The following ZNF236 variants were observed in gnomAD, a reference collection of about 807,000 sequenced individuals.
ZNF236 encodes regulated by glucose.
A neutral mutation model predicts 191.2 loss-of-function variants in ZNF236; 50 were observed. The ratio of observed to expected loss-of-function variants is 0.26; its 90% CI spans 0.21 to 0.33. The LOEUF (loss-of-function observed/expected upper bound fraction) is 0.33. ZNF236 is among the 10% of genes least tolerant of loss of function. The probability of loss-of-function intolerance (pLI) is 1.00; values close to 1 mark genes in which losing one functional copy is unlikely to be tolerated. For synonymous variants in ZNF236, 907 were observed against 928.8 expected (o/e 0.98, Z 0.43); for missense variants, 1,754 against 2,374.5 (o/e 0.74, Z 5.43).
In ZNF236 at chr18:76,959,751, G is replaced by A; in HGVS notation, c.5177G>A (p.Cys1726Tyr). 1 of 1,614,106 alleles carries A rather than the reference G, an allele frequency of 6.2e-7. No homozygotes were observed. The highest frequency in any genetic ancestry group is 8.5e-7 in the Non-Finnish European group (1 of 1,180,004). The change falls in exon 29 of 31, where the codon TGT (cysteine) becomes TAT (tyrosine). Residue 1726 changes from cysteine (C) to tyrosine (Y), a missense_variant. By Grantham distance (194) the Cys-to-Tyr change is radical. This residue lies in a region of ZNF236 where 606 missense variants were observed against 761.5 expected (regional missense o/e 0.80). Coordinates refer to ENST00000320610, the MANE Select transcript of ZNF236 (RefSeq NM_001306089.2). ...LSSQKPRVFK[C>Y]DTCEKAFAKP... ...TCCCAGAAGCCAAGAGTGTTTAAAT[G>A]TGACACTTGTGAGAAGGCATTTGCC...
rs530116600 is a variant in ZNF236, at chr18:76,824,110, C to T, written c.55+1448C>T. The T allele has an allele frequency of 2.3e-5, 13 of 567,058 alleles. No individual in the cohort carries two copies. In the East Asian group the frequency reaches 3.2e-4, roughly 14 times the overall value. The allele number at this position is 567,058 out of a possible 1,614,324, so 35.1% of individuals were successfully genotyped here. A position where few individuals can be genotyped will look rare whatever the true frequency, so the allele number is the denominator to read the frequency against. ...TCTTGGGGATGAGTAAACTGAGGCT[C>T]ATTAAAGAGCTTGTGACCAAACAAC... On this transcript the variant is annotated intron_variant, in intron 1 of 30. Coordinates refer to ENST00000320610, the MANE Select transcript of ZNF236 (RefSeq NM_001306089.2).
intron 1 of ZNF236, among the ~76,000 whole-genome samples, chr18:76,829,847 G>A (rs1229161866): frequency 6.6e-6 from 1 of 152,052 alleles, no homozygotes; most frequent in South Asian, 2.1e-4. Context: ...CTTCTGATAC[G>A]ACATGTTAGC....
intron 17 of ZNF236, among the ~76,000 whole-genome samples, chr18:76,913,142 T>C (rs578240632): frequency 6.6e-6 from 1 of 152,234 alleles, no homozygotes; most frequent in Non-Finnish European, 1.5e-5. Flanking sequence ...ACTAATGGAA[T>C]AAGCTTTTAA....
In ZNF236 at chr18:76,899,166, C is replaced by T. The variant is rs772989991; in HGVS notation, c.1838C>T (p.Thr613Met). 8.1e-6 allele frequency: 13 copies of T among 1,614,022 alleles called. No homozygotes were observed. The highest frequency in any genetic ancestry group is 6.7e-5 in the East Asian group (3 of 44,896). The change falls in exon 11 of 31, where the codon ACG becomes ATG. Residue 613 changes from threonine (T) to methionine (M), a missense_variant. By Grantham distance (81) the Thr-to-Met change is moderately conservative. Around this residue, in one of 5 missense-constraint regions of ZNF236, gnomAD observed 641 missense variants for 869.6 expected, o/e 0.74. Coordinates refer to ENST00000320610, the MANE Select transcript of ZNF236 (RefSeq NM_001306089.2). ...CCTGCAAAGGTCCGTGTTGGCAAGACGAATATTCCAGTCCCTGATATTCCT... is the reference window on the plus strand; with the variant it reads ...CCTGCAAAGGTCCGTGTTGGCAAGATGAATATTCCAGTCCCTGATATTCCT... ...RKPAKVRVGK[T>M]NIPVPDIPLQ...
Position 76,972,404 on chromosome 18 carries a change from A to G in ZNF236, c.*4065A>G, listed in dbSNP as rs972399847. On this transcript the variant is annotated 3_prime_UTR_variant, in exon 31 of 31. Transcript: ENST00000320610. ...CCCCTCCTCAGACCCCCATGCACGG[A>G]TGAGCACATAGCTCACCCTCACCCT... 2.6e-5 allele frequency among the ~76,000 whole-genome samples: 4 copies of G among 152,042 alleles called. No individual in the cohort carries two copies. Among genetic ancestry groups the G allele is most frequent in the Non-Finnish European group, 5.9e-5 (4 of 67,998 alleles).
chr18:76,899,664 C>T (rs1977533070), intron 11 of ZNF236, among the ~76,000 whole-genome samples: 1 of 152,054 alleles, frequency 6.6e-6, no homozygotes, highest in East Asian at 1.9e-4. Context: ...AATCTGCCTG[C>T]TTTTCTTTTT....
chr18:76,927,302 C>T lies in ZNF236; in HGVS notation c.4199C>T (p.Thr1400Met), dbSNP rs762117477. ...LQIDPSILQQ[T>M]LQQGNLLAQQ... ...ATTGATCCAAGCATTCTGCAGCAGA[C>T]GCTACAGCAGGGCAACCTATTGGCT... The change falls in exon 24 of 31, where the codon ACG becomes ATG. Residue 1400 changes from threonine to methionine, a missense_variant. Physicochemically the swap from Thr to Met is moderately conservative, Grantham distance 81. Transcript: ENST00000320610. This position sits in a 1 kb window ranked among gnomAD's most constrained non-coding sequence, Gnocchi z 5.4. The T allele has an allele frequency of 2.8e-5, 45 of 1,614,018 alleles. No individual in the cohort carries two copies. Among genetic ancestry groups the T allele is most frequent in the Middle Eastern group, 1.6e-4 (1 of 6,084 alleles).
chr18:76,869,436 TAAC>T (rs1303639938), intron 4 of ZNF236, among the ~76,000 whole-genome samples: 1 of 152,240 alleles, frequency 6.6e-6, no homozygotes, highest in East Asian at 1.9e-4. Flanking sequence ...CTCATAATCT[TAAC>T]AACTGACTAT....
chr18:76,833,190 C>A (rs549325709), intron 1 of ZNF236, among the ~76,000 whole-genome samples: 2 of 152,050 alleles, frequency 1.3e-5, no homozygotes, highest in African/African-American at 4.8e-5. Flanking sequence ...TTATCACTTT[C>A]GTTACTGTTT....
chr18:76,960,654 T>C lies in ZNF236; in HGVS notation c.5243-25T>C, dbSNP rs572581654. 1.2e-6 allele frequency: 2 copies of C among 1,614,084 alleles called. No individual in the cohort carries two copies. The highest frequency in any genetic ancestry group is 1.7e-5 in the Admixed American group (1 of 60,028). Reference sequence around the variant, plus strand: ...ATCCACTATACTTTTCTTAGAGACATTGACATATGCCATTTTCTGTACAGG... The same window carrying C: ...ATCCACTATACTTTTCTTAGAGACACTGACATATGCCATTTTCTGTACAGG... On this transcript the variant is annotated intron_variant, in intron 29 of 30. Transcript: ENST00000320610. This position sits in a 1 kb window ranked among gnomAD's most constrained non-coding sequence, Gnocchi z 4.4.
At chr18:76,836,744 A>G (rs761524627) in intron 1 of ZNF236, among the ~76,000 whole-genome samples, 29 of 151,236 alleles carry the variant, frequency 1.9e-4, no homozygotes, top group Admixed American at 6.6e-5. Flanking sequence ...CGCCTGGCTA[A>G]TTTTTTGTAT....
In ZNF236 at chr18:76,879,498, A is replaced by G. The variant is rs76864771; in HGVS notation, c.985-615A>G. On this transcript the variant is annotated intron_variant, in intron 7 of 30. Transcript: ENST00000320610. Reference sequence around the variant, plus strand: ...GTTTACTCTCAGAGTTGTCCATTCAACGGGTTTTGACAAAGGTAGAGTGTC... The same window carrying G: ...GTTTACTCTCAGAGTTGTCCATTCAGCGGGTTTTGACAAAGGTAGAGTGTC... 4.3e-4 allele frequency among the ~76,000 whole-genome samples: 66 copies of G among 152,262 alleles called. 1 individual carries two copies. In the East Asian group the frequency reaches 0.011, roughly 26 times the overall value.
chr18:76,834,585 A>G (rs571973891), intron 1 of ZNF236: 45 of 471,542 alleles, frequency 9.5e-5, no homozygotes, highest in African/African-American at 5.9e-4. Context: ...CTGTGTGCAC[A>G]GTTGGGGTGA....
rs1456218002 is a variant in ZNF236 at position 76,857,926 on chromosome 18, A to G, written c.363+5987A>G. On this transcript the variant is annotated intron_variant, in intron 3 of 30. Coordinates refer to ENST00000320610, the MANE Select transcript of ZNF236 (RefSeq NM_001306089.2). ...TTATGAGAACACGGAATGTGAAAAC[A>G]TCAGCGATGTTTGGTTACTATGGAT... Among the ~76,000 whole-genome samples the G allele has an allele frequency of 3.3e-5, 5 of 152,342 alleles. 1 individual carries two copies. The South Asian group carries it at 6.2e-4, about 19-fold the overall frequency.
chr18:76,824,766 T>C (rs2122354237), intron 1 of ZNF236, among the ~76,000 whole-genome samples: 1 of 152,308 alleles, frequency 6.6e-6, no homozygotes, highest in Non-Finnish European at 1.5e-5. Context: ...ACACACTTCC[T>C]AATTTAGTGT....
At chr18:76,826,464 C>A (rs1975022423) in intron 1 of ZNF236, among the ~76,000 whole-genome samples, 1 of 151,622 alleles carries the variant, frequency 6.6e-6, no homozygotes, top group South Asian at 2.1e-4. Flanking sequence ...TAGTGAGTGG[C>A]AGTTGGGAAC....
chr18:76,828,494 G>GATTA (rs893310669), intron 1 of ZNF236, among the ~76,000 whole-genome samples: 2 of 152,142 alleles, frequency 1.3e-5, no homozygotes, highest in African/African-American at 4.8e-5. Flanking sequence ...GCGGCAGGAG[G>GATTA]CAGCCAGAGC....
intron 25 of ZNF236, 32 bp from the exon 26 acceptor site, chr18:76,937,124 C>G: frequency 1.2e-6 from 2 of 1,600,634 alleles, no homozygotes; most frequent in Non-Finnish European, 1.7e-6. Context: ...TCTGGCCTTC[C>G]CATTGATCTA....
intron 15 of ZNF236, 124 bp downstream of exon 15, chr18:76,910,293 C>T (rs1967183858): frequency 1.2e-6 from 1 of 809,396 alleles, no homozygotes; most frequent in Non-Finnish European, 1.9e-6. Flanking sequence ...AACCAAATAA[C>T]TTTTTGCATG....
Sources: allele counts gnomAD v4.1 joint callset (sites outside exome capture counted in the v4.1 genomes callset), GRCh38; gene constraint gnomAD v4.1.1; regional missense constraint gnomAD v4.1.1; non-coding constraint Gnocchi (gnomAD v3.1); transcripts MANE v1.5; gene names NCBI Gene and HGNC (gene_info 2026-07-23, HGNC 2026-07-21).